SGCD: variants seen among roughly 807,000 people sequenced by gnomAD.
SGCD encodes sarcoglycan delta, also known as delta-sarcoglycan.
In SGCD, 18 loss-of-function variants were observed where a neutral mutation model predicts 36.6. The observed-to-expected ratio is 0.49, with a 90% CI of 0.34 to 0.73. The LOEUF is 0.73. Ranked by LOEUF, SGCD falls within the 30% of genes least tolerant of loss-of-function variation. SGCD has a pLI of 0.01. For missense variants in SGCD, 387 were observed against 346.7 expected (o/e 1.12, Z -0.92); for synonymous variants, 133 against 130.6 (o/e 1.02, Z -0.12).
chr5:156,282,171 T>C (rs1006350648), intron 3 of SGCD, among the ~76,000 whole-genome samples: 7 of 152,158 alleles, frequency 4.6e-5, no homozygotes, highest in African/African-American at 1.7e-4. Context: ...GCCTGAGTCA[T>C]GTGAGCATTT....
At chr5:156,060,916 G>T (rs915271607) in intron 1 of SGCD, among the ~76,000 whole-genome samples, 2 of 145,562 alleles carry the variant, frequency 1.4e-5, no homozygotes, top group Admixed American at 1.4e-4. Context: ...CCAGATGTGT[G>T]TTTTTCCCAT....
chr5:156,678,702 G>A (rs1753606905), intron 7 of SGCD, among the ~76,000 whole-genome samples: 1 of 152,214 alleles, frequency 6.6e-6, no homozygotes, highest in Non-Finnish European at 1.5e-5. Context: ...TATAGTTTGT[G>A]TGGAATGATA....
chr5:156,759,411 T>C lies in SGCD; in HGVS notation c.*21T>C, dbSNP rs773425410. On this transcript the variant is annotated 3_prime_UTR_variant, in exon 9 of 9. Transcript: ENST00000337851. Reference sequence around the variant, plus strand: ...TCTGAAAGACTATCCATAGTGGACATTGTTGGCAGCATAAAGGCCTTTTTT... The same window carrying C: ...TCTGAAAGACTATCCATAGTGGACACTGTTGGCAGCATAAAGGCCTTTTTT... The C allele has an allele frequency of 1.3e-6, 2 of 1,564,782 alleles. No homozygotes were observed. The highest frequency in any genetic ancestry group is 1.7e-6 in the Non-Finnish European group (2 of 1,151,138).
intron 3 of SGCD, among the ~76,000 whole-genome samples, chr5:156,152,784 T>C (rs1279988193): frequency 4.0e-5 from 6 of 151,698 alleles, no homozygotes; most frequent in Non-Finnish European, 8.8e-5. Context: ...ACTTAGATAA[T>C]GGCTTGTGAA....
At chr5:155,743,505 C>G in the SGCD span, among the ~76,000 whole-genome samples, 1 of 152,162 alleles carries the variant, frequency 6.6e-6, no homozygotes, top group Non-Finnish European at 1.5e-5. Context: ...AAATGTATAA[C>G]ATGTCATCAG....
intron 3 of SGCD, among the ~76,000 whole-genome samples, chr5:156,497,417 T>C (rs1166082449): frequency 6.6e-6 from 1 of 152,150 alleles, no homozygotes; most frequent in Non-Finnish European, 1.5e-5. Flanking sequence ...GAGCAAAGAA[T>C]TCCTGTTTAT....
intron 6 of SGCD, among the ~76,000 whole-genome samples, chr5:156,630,623 G>A (rs1561826502): frequency 6.6e-6 from 1 of 152,106 alleles, no homozygotes; most frequent in African/African-American, 2.4e-5. Context: ...ACTTATTAAA[G>A]CTTATCTTCC....
intron 3 of SGCD, among the ~76,000 whole-genome samples, chr5:156,247,658 A>T (rs980718935): frequency 1.3e-5 from 2 of 152,228 alleles, no homozygotes; most frequent in Non-Finnish European, 2.9e-5. Context: ...TCTAAGATAG[A>T]CAACTTGGTA....
intron 4 of SGCD, among the ~76,000 whole-genome samples, chr5:156,523,501 G>T (rs749005189): frequency 6.6e-6 from 1 of 152,152 alleles, no homozygotes; most frequent in Non-Finnish European, 1.5e-5. Flanking sequence ...GCCTTAGAAA[G>T]TATTAAGTCA....
At chr5:156,287,684 C>A (rs1030726619) in intron 3 of SGCD, among the ~76,000 whole-genome samples, 1 of 151,334 alleles carries the variant, frequency 6.6e-6, no homozygotes, top group Admixed American at 6.6e-5. Flanking sequence ...GGTACATGCA[C>A]ACTTGCATGT....
intron 1 of SGCD, among the ~76,000 whole-genome samples, chr5:155,872,379 ACACACACT>A (rs1167915397): frequency 1.3e-5 from 2 of 151,750 alleles, no homozygotes; most frequent in Non-Finnish European, 1.5e-5. Flanking sequence ...ACACACACAC[ACACACACT>A]CTCATGGAAA....
At chr5:156,352,541 T>C (rs1457513731) in intron 3 of SGCD, among the ~76,000 whole-genome samples, 1 of 152,202 alleles carries the variant, frequency 6.6e-6, no homozygotes, top group Non-Finnish European at 1.5e-5. Flanking sequence ...GTTGCTGACA[T>C]GGTAGGACCT....
At chr5:156,512,729 CT>C (rs1756998520) in intron 4 of SGCD, among the ~76,000 whole-genome samples, 1 of 152,180 alleles carries the variant, frequency 6.6e-6, no homozygotes, top group Admixed American at 6.5e-5. Flanking sequence ...TCCGTCACCC[CT>C]GATAATTTCT....
At chr5:155,797,805 CCTT>C in the SGCD span, among the ~76,000 whole-genome samples, 1 of 152,170 alleles carries the variant, frequency 6.6e-6, no homozygotes, top group Non-Finnish European at 1.5e-5. Context: ...CATTCTACCT[CCTT>C]GAGAGAGGAT....
intron 6 of SGCD, among the ~76,000 whole-genome samples, chr5:156,610,953 G>C (rs1000276782): frequency 3.3e-5 from 5 of 152,230 alleles, no homozygotes; most frequent in Admixed American, 6.5e-5. Flanking sequence ...CCCTTTCTTT[G>C]ACTAGGAAAG....
intron 3 of SGCD, among the ~76,000 whole-genome samples, chr5:156,396,854 GT>G (rs1416812992): frequency 2.0e-5 from 3 of 152,158 alleles, no homozygotes; most frequent in Non-Finnish European, 4.4e-5. Flanking sequence ...AATAATTGAG[GT>G]GATGTAATTC....
intron 3 of SGCD, among the ~76,000 whole-genome samples, chr5:156,157,804 T>G (rs561192506): frequency 6.6e-6 from 1 of 151,836 alleles, no homozygotes; most frequent in East Asian, 1.9e-4. Flanking sequence ...TTGTTTAACT[T>G]ATCATTGTTA....
intron 3 of SGCD, among the ~76,000 whole-genome samples, chr5:156,445,496 C>T (rs148704727): frequency 6.6e-6 from 1 of 152,094 alleles, no homozygotes; most frequent in African/African-American, 2.4e-5. Flanking sequence ...TATAACTTCT[C>T]ACTTTGATTG....
chr5:156,413,717 G>A (rs1020136698), intron 3 of SGCD, among the ~76,000 whole-genome samples: 1 of 152,174 alleles, frequency 6.6e-6, no homozygotes, highest in Non-Finnish European at 1.5e-5. Context: ...GTTCAATTAT[G>A]AGTTACCTCT....
Sources: gnomAD v4.1 joint callset for allele counts (sites outside exome capture counted in the v4.1 genomes callset) on GRCh38, gnomAD v4.1.1 for gene constraint, MANE v1.5 for transcripts, NCBI Gene and HGNC (gene_info 2026-07-23, HGNC 2026-07-21) for gene names.